CDH6: variants seen among roughly 807,000 people sequenced by gnomAD.
CDH6 encodes the protein cadherin 6.
A neutral mutation model predicts 78.0 loss-of-function variants in CDH6; 31 were observed. That is an observed-to-expected ratio of 0.40 (90% CI 0.30 to 0.54). The LOEUF (loss-of-function observed/expected upper bound fraction) is 0.54, where lower values mean the gene tolerates loss of function less well. Ranked by LOEUF, CDH6 falls within the 20% of genes least tolerant of loss-of-function variation. CDH6 has a pLI of 0.56. For missense variants in CDH6, 724 were observed against 975.9 expected (o/e 0.74, Z 3.44); for synonymous variants, 376 against 368.8 (o/e 1.02, Z -0.23).
chr5:31,196,461 C>T (rs4130585), intron 1 of CDH6, among the ~76,000 whole-genome samples: 24,844 of 152,090 alleles, frequency 0.16, 2,183 homozygotes, highest in East Asian at 0.27. Flanking sequence ...CCTTCTGGCC[C>T]GGTAGTTGCT....
At chr5:31,321,579 T>C (rs550593741) in intron 11 of CDH6, among the ~76,000 whole-genome samples, 1 of 152,274 alleles carries the variant, frequency 6.6e-6, no homozygotes, top group Non-Finnish European at 1.5e-5. Flanking sequence ...GCTTAACACA[T>C]GGAAAGCTCT....
chr5:31,291,812 C>G (rs1258767726), intron 2 of CDH6, among the ~76,000 whole-genome samples: 1 of 152,218 alleles, frequency 6.6e-6, no homozygotes, highest in Non-Finnish European at 1.5e-5. Flanking sequence ...CATATCCCAT[C>G]ACTCAAATCA....
At chr5:31,209,531 G>A (rs184437620) in intron 1 of CDH6, among the ~76,000 whole-genome samples, 14 of 152,220 alleles carry the variant, frequency 9.2e-5, no homozygotes, top group Admixed American at 5.9e-4. Context: ...CCCTATTAAC[G>A]GGAAAGGCGG....
At chr5:31,255,526 T>G (rs1026716746) in intron 1 of CDH6, among the ~76,000 whole-genome samples, 3 of 152,212 alleles carry the variant, frequency 2.0e-5, no homozygotes, top group Admixed American at 6.5e-5. Context: ...AAACAGAGGT[T>G]CTAATTAAAG....
Position 31,326,735 on chromosome 5 carries a change from A to G in CDH6, c.*3427A>G, listed in dbSNP as rs1436842996. On this transcript the variant is annotated 3_prime_UTR_variant, in exon 12 of 12. Transcript: ENST00000265071. ...GAGACAGAATCTCGCTCTGTCGCCC[A>G]GGCTGGAATGCAGTGGCGCGATCTC... is the stretch of plus-strand genomic sequence containing the variant. 2.4e-5 allele frequency: 3 copies of G among 124,914 alleles called. No homozygotes were observed. In the Admixed American group the frequency reaches 3.7e-4, roughly 15 times the overall value. The allele number at this position is 124,914 out of a possible 1,614,324, so 7.7% of individuals were successfully genotyped here. A position where few individuals can be genotyped will look rare whatever the true frequency, so the allele number is the denominator to read the frequency against.
intron 8 of CDH6, among the ~76,000 whole-genome samples, chr5:31,314,164 A>T (rs997750717): frequency 3.3e-5 from 5 of 152,026 alleles, no homozygotes; most frequent in Non-Finnish European, 7.4e-5. Context: ...TAATTTTTTT[A>T]TTATACTTAA....
intron 2 of CDH6, among the ~76,000 whole-genome samples, chr5:31,288,176 A>G (rs542988215): frequency 6.6e-6 from 1 of 152,222 alleles, no homozygotes; most frequent in South Asian, 2.1e-4. Flanking sequence ...ACATATTACA[A>G]TGTGAAAACT....
chr5:31,317,604 C>G, intron 10 of CDH6, 69 bp from the exon 11 acceptor site: 1 of 1,568,326 alleles, frequency 6.4e-7, no homozygotes, highest in Non-Finnish European at 8.7e-7. Flanking sequence ...TCTATCTTTT[C>G]TTATCACAGT....
At chr5:31,200,705 GGA>G (rs1193872712) in intron 1 of CDH6, among the ~76,000 whole-genome samples, 4 of 151,462 alleles carry the variant, frequency 2.6e-5, no homozygotes, top group Non-Finnish European at 5.9e-5. Context: ...AAGGAAGGAG[GGA>G]GAGAGAGGAG....
intron 6 of CDH6, among the ~76,000 whole-genome samples, chr5:31,302,915 G>GAA (rs1737847268): frequency 1.8e-5 from 2 of 111,760 alleles, no homozygotes; most frequent in Admixed American, 1.9e-4. Flanking sequence ...AAGAAAGAAA[G>GAA]AAAGAAAGAA....
intron 7 of CDH6, among the ~76,000 whole-genome samples, chr5:31,312,501 C>G (rs868055461): frequency 6.6e-6 from 1 of 152,196 alleles, no homozygotes; most frequent in African/African-American, 2.4e-5. Context: ...GAGTTCAAGA[C>G]CAGCCCGGGC....
chr5:31,298,470 A>T (rs1463804685), intron 4 of CDH6, among the ~76,000 whole-genome samples: 1 of 152,214 alleles, frequency 6.6e-6, no homozygotes, highest in Non-Finnish European at 1.5e-5. Context: ...ATTTAAATAG[A>T]GAAGTACTAT....
At chr5:31,205,735 T>G (rs1159885812) in intron 1 of CDH6, among the ~76,000 whole-genome samples, 1 of 152,148 alleles carries the variant, frequency 6.6e-6, no homozygotes, top group African/African-American at 2.4e-5. Flanking sequence ...GTGAATGACT[T>G]TTTTTTGCCT....
In CDH6 at chr5:31,255,449, T is replaced by G. The variant is rs188408719; in HGVS notation, c.-128-11897T>G. Reference sequence around the variant, plus strand: ...TAAACATCGAACAAGGGCATTTCTTTGGTGGTATAATTAAAATTCTCTTTT... The same window carrying G: ...TAAACATCGAACAAGGGCATTTCTTGGGTGGTATAATTAAAATTCTCTTTT... On this transcript the variant is annotated intron_variant, in intron 1 of 11. Transcript: ENST00000265071. Among the ~76,000 whole-genome samples, 207 of 152,372 alleles carry G rather than the reference T, an allele frequency of 1.4e-3. 1 individual carries two copies. The highest frequency in any genetic ancestry group is 2.4e-3 in the Non-Finnish European group (161 of 68,034).
chr5:31,267,524 C>T lies in CDH6; in HGVS notation c.51C>T (p.Tyr17=). The T allele has an allele frequency of 6.2e-7, 1 of 1,614,100 alleles. No homozygotes were observed. Among genetic ancestry groups the T allele is most frequent in the Non-Finnish European group, 8.5e-7 (1 of 1,180,014 alleles). The part of the protein sequence containing the change: ...FLLLFWVGQP[Y]PTLSTPLSKR... ...TGCTCTTTTGGGTGGGCCAGCCCTA[C>T]CCAACTCTCTCAACTCCACTATCAA... Residue 17 remains tyrosine, a synonymous_variant, in exon 2 of 12, where the codon TAC becomes TAT. Transcript: ENST00000265071.
intron 2 of CDH6, among the ~76,000 whole-genome samples, chr5:31,282,408 CCT>C (rs145390514): frequency 6.0e-4 from 89 of 148,440 alleles, no homozygotes; most frequent in Non-Finnish European, 6.0e-4. Flanking sequence ...TTTCTCTCTT[CCT>C]CTCTCTCTCT....
intron 8 of CDH6, among the ~76,000 whole-genome samples, chr5:31,314,924 TG>T (rs374817393): frequency 2.3e-3 from 343 of 152,282 alleles, no homozygotes; most frequent in African/African-American, 8.0e-3. Flanking sequence ...AAGAATAATA[TG>T]AGTAAAATTT....
At chr5:31,300,566 G>T (rs1160720479) in intron 5 of CDH6, among the ~76,000 whole-genome samples, 2 of 152,104 alleles carry the variant, frequency 1.3e-5, no homozygotes, top group East Asian at 3.9e-4. Context: ...GTTCTATGAG[G>T]CCTACCATTT....
chr5:31,297,353 AG>A lies in CDH6; in HGVS notation c.589del (p.Val197LeufsTer39). ...ATCCAACATATGGGAACAGTGCTAA[AG>A]TTGTCTACAGTATTCTACAGGGACA... ...DDPTYGNSAK[V>X]VYSILQGQPY... is the part of the protein sequence containing the mutation. On this transcript the variant is annotated frameshift_variant, in exon 4 of 12. Coordinates refer to ENST00000265071, the MANE Select transcript of CDH6 (RefSeq NM_004932.4). LOFTEE classifies it high-confidence loss of function. The A allele has an allele frequency of 6.2e-7, 1 of 1,610,424 alleles. No individual in the cohort carries two copies. The highest frequency in any genetic ancestry group is 8.5e-7 in the Non-Finnish European group (1 of 1,176,730).
Sources: allele counts gnomAD v4.1 joint callset (sites outside exome capture counted in the v4.1 genomes callset), GRCh38; gene constraint gnomAD v4.1.1; transcripts MANE v1.5; gene names NCBI Gene and HGNC (gene_info 2026-07-23, HGNC 2026-07-21).